The following CLMN variants were observed in gnomAD, a reference collection of about 807,000 sequenced individuals.
The protein encoded by CLMN is calmin (calponin-like, transmembrane).
Under a neutral mutation model 92.7 loss-of-function variants are expected in CLMN, and 57 were observed. The observed-to-expected ratio is 0.61, with a 90% CI of 0.50 to 0.77. The LOEUF (loss-of-function observed/expected upper bound fraction) is 0.77, where lower values mean the gene tolerates loss of function less well. CLMN is among the 30% of genes least tolerant of loss of function. CLMN has a pLI of 0.00. For missense variants in CLMN, 1,158 were observed against 1,237.5 expected, an observed-to-expected ratio of 0.94 and a Z score of 0.96; for synonymous variants, 466 against 470.6, an observed-to-expected ratio of 0.99 and a Z score of 0.13.
chr14:95,188,649 G>C lies in CLMN; in HGVS notation c.*2915C>G, dbSNP rs1037978539. ...TTAAGAAATTTCCCATGAAGGCCCAGCACAAGGTTTAACACCCGGGATACA... is the reference window on the plus strand; with the variant it reads ...TTAAGAAATTTCCCATGAAGGCCCACCACAAGGTTTAACACCCGGGATACA... On this transcript the variant is annotated 3_prime_UTR_variant, in exon 13 of 13. Coordinates refer to ENST00000298912, the MANE Select transcript of CLMN (RefSeq NM_024734.4). 1 of 151,960 alleles carries C rather than the reference G, an allele frequency of 6.6e-6. No homozygotes were observed. The allele number at this position is 151,960 out of a possible 1,614,324, so 9.4% of individuals were successfully genotyped here.
chr14:95,221,871 T>C, intron 3 of CLMN, 97 bp from the exon 4 acceptor site: 3 of 1,205,642 alleles, frequency 2.5e-6, no homozygotes, highest in Non-Finnish European at 3.5e-6. Flanking sequence ...TTTTTTCACA[T>C]GAATTTCAAG....
Position 95,215,664 on chromosome 14 carries a change from A to T in CLMN, c.394T>A (p.Trp132Arg). Residue 132 changes from tryptophan (W) to arginine (R), a missense_variant, in exon 5 of 13, where the codon TGG becomes AGG. Trp to Arg is a moderately radical substitution (Grantham distance 101). Transcript: ENST00000298912. ...GNPSLVLGLI[W>R]NIILFFQIKE... ...ACCTGGAAGAAGAGGATTATGTTCCATATCAGCCCAAGAACCAAAGAAGGG... is the reference window on the plus strand; with the variant it reads ...ACCTGGAAGAAGAGGATTATGTTCCTTATCAGCCCAAGAACCAAAGAAGGG... 1 of 1,614,094 alleles carries T rather than the reference A, an allele frequency of 6.2e-7. No individual in the cohort carries two copies. Among genetic ancestry groups the T allele is most frequent in the African/African-American group, 1.3e-5 (1 of 75,062 alleles).
chr14:95,205,288 T>A (rs1353131454), intron 8 of CLMN, among the ~76,000 whole-genome samples: 1 of 152,086 alleles, frequency 6.6e-6, no homozygotes, highest in Non-Finnish European at 1.5e-5. Flanking sequence ...AAGTTTGACA[T>A]AAAATAATTA....
chr14:95,237,774 TTA>T (rs1339739033), intron 1 of CLMN, among the ~76,000 whole-genome samples: 2 of 152,100 alleles, frequency 1.3e-5, no homozygotes, highest in Non-Finnish European at 2.9e-5. Context: ...GCCCAACCTT[TTA>T]TATAAGTGAC....
At chr14:95,208,954 G>C (rs967770980) in intron 8 of CLMN, among the ~76,000 whole-genome samples, 2 of 152,142 alleles carry the variant, frequency 1.3e-5, no homozygotes, top group African/African-American at 2.4e-5. Flanking sequence ...CAGCCACCAC[G>C]ATATCAAAGT....
At chr14:95,235,409 T>C (rs968840491) in intron 1 of CLMN, among the ~76,000 whole-genome samples, 2 of 152,174 alleles carry the variant, frequency 1.3e-5, no homozygotes, top group African/African-American at 4.8e-5. Context: ...TTTGGTCATC[T>C]TTGGGTGGGG....
chr14:95,289,466 A>AAAATAAAT (rs749536553), intron 1 of CLMN, among the ~76,000 whole-genome samples: 54 of 139,586 alleles, frequency 3.9e-4, no homozygotes, highest in African/African-American at 6.2e-4. Flanking sequence ...TCTGTCTCAA[A>AAAATAAAT]AAATAAATAA....
chr14:95,319,636 G>T, intron 1 of CLMN, 75 bp downstream of exon 1: 2 of 1,225,544 alleles, frequency 1.6e-6, no homozygotes, highest in Non-Finnish European at 2.3e-6. Context: ...GCGCGGGGGA[G>T]TTGCCAAGTG....
At position 95,311,076 on chromosome 14, in the gene CLMN, G is replaced by T. The variant is rs553471622; in HGVS notation, c.82+8635C>A. 2.0e-5 allele frequency among the ~76,000 whole-genome samples: 3 copies of T among 152,114 alleles called. No individual in the cohort carries two copies. The South Asian group carries it at 6.2e-4, about 32-fold the overall frequency. On this transcript the variant is annotated intron_variant, in intron 1 of 12. Coordinates refer to ENST00000298912, the MANE Select transcript of CLMN (RefSeq NM_024734.4). ...GAATGTGTGCAAAGGAGGCAAACGT[G>T]GGAAGGCCCAAATGAGACAGACATT...
At chr14:95,214,414 A>G (rs1897276671) in intron 5 of CLMN, among the ~76,000 whole-genome samples, 1 of 137,744 alleles carries the variant, frequency 7.3e-6, no homozygotes, top group Non-Finnish European at 1.5e-5. Context: ...CAGTGGCATG[A>G]TCATGTCTCA....
At chr14:95,220,334 G>A (rs935519425) in intron 4 of CLMN, among the ~76,000 whole-genome samples, 11 of 151,968 alleles carry the variant, frequency 7.2e-5, no homozygotes, top group Non-Finnish European at 4.4e-5. Context: ...CCACGACCGT[G>A]CCCAGCTAAT....
At chr14:95,261,820 C>A (rs890688967) in intron 1 of CLMN, among the ~76,000 whole-genome samples, 10 of 152,230 alleles carry the variant, frequency 6.6e-5, no homozygotes, top group Non-Finnish European at 1.2e-4. Flanking sequence ...CAGCCCATGC[C>A]CCCCTGCAGC....
intron 1 of CLMN, among the ~76,000 whole-genome samples, chr14:95,305,039 C>T (rs144657788): frequency 6.6e-6 from 1 of 152,286 alleles, no homozygotes; most frequent in East Asian, 1.9e-4. Flanking sequence ...TATAAGGCAG[C>T]TAAGAAAGAA....
chr14:95,315,178 T>C (rs1374649080), intron 1 of CLMN, among the ~76,000 whole-genome samples: 9 of 152,076 alleles, frequency 5.9e-5, no homozygotes. Flanking sequence ...TGGGGAGTTA[T>C]GGGAGAGAAG....
intron 9 of CLMN, among the ~76,000 whole-genome samples, chr14:95,202,570 C>T (rs1367595614): frequency 6.6e-6 from 1 of 152,180 alleles, no homozygotes; most frequent in Non-Finnish European, 1.5e-5. Context: ...CTCACTTGAT[C>T]CTCAGAGCAT....
At chr14:95,226,361 G>A (rs1249114747) in intron 2 of CLMN, among the ~76,000 whole-genome samples, 2 of 152,060 alleles carry the variant, frequency 1.3e-5, no homozygotes, top group Admixed American at 6.5e-5. Flanking sequence ...TACTTGTTTA[G>A]TACAGATGCA....
chr14:95,225,544 T>A (rs1897684378), intron 2 of CLMN, among the ~76,000 whole-genome samples: 1 of 152,216 alleles, frequency 6.6e-6, no homozygotes, highest in African/African-American at 2.4e-5. Flanking sequence ...GATGCCCTCC[T>A]CAGGAAGACA....
intron 5 of CLMN, among the ~76,000 whole-genome samples, chr14:95,214,557 C>T (rs756375074): frequency 6.6e-5 from 10 of 151,882 alleles, no homozygotes; most frequent in Non-Finnish European, 1.2e-4. Context: ...TGCTCTGTTT[C>T]CAGGGCTGAT....
intron 1 of CLMN, among the ~76,000 whole-genome samples, chr14:95,236,145 C>A (rs1299505567): frequency 6.6e-6 from 1 of 152,212 alleles, no homozygotes; most frequent in Admixed American, 6.5e-5. Context: ...CTCATGTGGT[C>A]CCCGTTTTAC....
Sources: gnomAD v4.1 joint callset for allele counts (sites outside exome capture counted in the v4.1 genomes callset) on GRCh38, gnomAD v4.1.1 for gene constraint, MANE v1.5 for transcripts, NCBI Gene and HGNC (gene_info 2026-07-23, HGNC 2026-07-21) for gene names.